Variants in CD163L1 observed in about 807,000 individuals in gnomAD.
The protein encoded by CD163L1 is CD163 molecule like 1.
In CD163L1, 124 loss-of-function variants were observed where a neutral mutation model predicts 165.4. The ratio of observed to expected loss-of-function variants is 0.75; its 90% CI spans 0.65 to 0.87. CD163L1 has a LOEUF of 0.87. Among genes scored for constraint, CD163L1 ranks in the 40% least tolerant of loss-of-function variants. The pLI, the probability that CD163L1 is intolerant of heterozygous loss-of-function variation, is 0.00. For synonymous variants in CD163L1, 585 were observed against 662.2 expected (o/e 0.88, Z 1.79); for missense variants, 1,525 against 1,799.9 (o/e 0.85, Z 2.76).
chr12:7,404,940 T>C (rs1041651772), intron 5 of CD163L1, among the ~76,000 whole-genome samples: 20 of 152,164 alleles, frequency 1.3e-4, no homozygotes, highest in Non-Finnish European at 8.8e-5. Context: ...GTGACAGATT[T>C]TAAACTGTGA....
the CD163L1 span, chr12:7,327,086 T>C: frequency 1.2e-6 from 2 of 1,604,442 alleles, no homozygotes; most frequent in Admixed American, 3.4e-5. Flanking sequence ...CTTACAAATA[T>C]CCAAGAAAGG....
Position 7,374,925 on chromosome 12 carries a change from T to A in CD163L1, c.3002-2A>T, listed in dbSNP as rs1398705863. 2 of 1,614,108 alleles carry A rather than the reference T, an allele frequency of 1.2e-6. No individual in the cohort carries two copies. On this transcript the variant is annotated splice_acceptor_variant, in intron 11 of 19. Coordinates refer to ENST00000313599, the MANE Select transcript of CD163L1 (RefSeq NM_174941.6). LOFTEE classifies it high-confidence loss of function. The surrounding 1 kb of genome is among the most constrained non-coding windows in gnomAD (Gnocchi z 5.4). The stretch of plus-strand genomic sequence containing the variant: ...GAAACAGTGGCTGGGTCAGGCTTCC[T>A]GGTGGAGGGTGCAGGAAATGGGGCA...
intron 2 of CD163L1, chr12:7,438,992 G>A: frequency 7.5e-6 from 12 of 1,604,464 alleles, no homozygotes; most frequent in African/African-American, 1.4e-5. Context: ...AACCTTTCTC[G>A]GGGTCTTCTT....
At chr12:7,381,549 G>C (rs1947408311) in intron 8 of CD163L1, among the ~76,000 whole-genome samples, 1 of 152,168 alleles carries the variant, frequency 6.6e-6, no homozygotes, top group Admixed American at 6.6e-5. Flanking sequence ...GTCAAGATCT[G>C]TTTGTAATTG....
At chr12:7,357,550 G>T in intron 18 of CD163L1, 64 bp from the exon 19 acceptor site, 2 of 1,344,524 alleles carry the variant, frequency 1.5e-6, no homozygotes, top group Non-Finnish European at 2.1e-6. Context: ...GGGAAGAGCT[G>T]TTAAGTGCAG....
At chr12:7,328,254 A>G in the CD163L1 span, 12 of 1,497,330 alleles carry the variant, frequency 8.0e-6, no homozygotes, top group Non-Finnish European at 1.0e-5. Flanking sequence ...GGATGGAATC[A>G]AGTGTCTCAT....
At chr12:7,399,636 G>T (rs1947876659) in intron 6 of CD163L1, among the ~76,000 whole-genome samples, 2 of 146,664 alleles carry the variant, frequency 1.4e-5, no homozygotes, top group African/African-American at 2.5e-5. Flanking sequence ...CCAGGGTCTT[G>T]CTCTGTCACC....
chr12:7,384,160 A>G (rs998022071), intron 8 of CD163L1, among the ~76,000 whole-genome samples: 1 of 148,796 alleles, frequency 6.7e-6, no homozygotes, highest in Admixed American at 6.6e-5. Context: ...GAAATAATTC[A>G]ATGAAAAACA....
chr12:7,375,733 T>C lies in CD163L1; in HGVS notation c.2653A>G (p.Ile885Val), dbSNP rs150229814. The change falls in exon 10 of 20, where the codon ATC becomes GTC. Residue 885 changes from isoleucine (I) to valine (V), a missense_variant. Ile to Val is a conservative substitution (Grantham distance 29). Transcript: ENST00000313599. Reference protein sequence around the residue: ...PIVQHPEDTCIHSREVGVVCS... With the variant: ...PIVQHPEDTCVHSREVGVVCS... ...ACAACTCCAACTTCTCTGCTGTGGA[T>C]ACAAGTGTCTTCCGGATGTTGAACA... 3.7e-6 allele frequency: 6 copies of C among 1,614,224 alleles called. No individual in the cohort carries two copies. The East Asian group carries it at 8.9e-5, about 24-fold the overall frequency.
At chr12:7,441,383 G>C (rs146945761) in intron 1 of CD163L1, 137 bp from the exon 2 acceptor site, 4 of 632,966 alleles carry the variant, frequency 6.3e-6, no homozygotes, top group African/African-American at 5.5e-5. Context: ...TACCGCACAA[G>C]AAAGTCCTTT....
rs987228139 is a variant in CD163L1, at chr12:7,426,252, G to T, written c.766+6164C>A. Among the ~76,000 whole-genome samples the T allele has an allele frequency of 2.2e-4, 34 of 152,050 alleles. 1 individual carries two copies. Among genetic ancestry groups the T allele is most frequent in the Non-Finnish European group, 4.4e-4 (30 of 68,022 alleles). On this transcript the variant is annotated intron_variant, in intron 4 of 19. Coordinates refer to ENST00000313599, the MANE Select transcript of CD163L1 (RefSeq NM_174941.6). The stretch of plus-strand genomic sequence containing the variant: ...TGGGAGTTGAACAATGAGAACAGAT[G>T]AACGCACAGAGGGGAACATCAGACA...
In CD163L1 at chr12:7,398,133, C is replaced by T; in HGVS notation, c.1729+131G>A. The T allele has an allele frequency of 1.3e-6, 1 of 742,550 alleles. No individual in the cohort carries two copies. Among genetic ancestry groups the T allele is most frequent in the Non-Finnish European group, 2.2e-6 (1 of 460,450 alleles). 46.0% of individuals were successfully genotyped at this position (742,550 alleles called of 1,614,324 possible). A position where few individuals can be genotyped will look rare whatever the true frequency, so the allele number is the denominator to read the frequency against. ...AGTTCCAGGTGAAGTGAACTGAAGT[C>T]TAATTTAAAGACAAGAGTCATGGCC... On this transcript the variant is annotated intron_variant, in intron 7 of 19. Coordinates refer to ENST00000313599, the MANE Select transcript of CD163L1 (RefSeq NM_174941.6). This position sits in a 1 kb window ranked among gnomAD's most constrained non-coding sequence, Gnocchi z 4.5.
intron 18 of CD163L1, among the ~76,000 whole-genome samples, chr12:7,359,902 C>T (rs1170846509): frequency 6.6e-6 from 1 of 152,120 alleles, no homozygotes; most frequent in African/African-American, 2.4e-5. Context: ...TTCCTCTAAA[C>T]ACAATGTGTC....
chr12:7,352,805 C>CA, downstream of CD163L1, among the ~76,000 whole-genome samples: 1 of 151,842 alleles, frequency 6.6e-6, no homozygotes, highest in Non-Finnish European at 1.5e-5. Context: ...ACAAGTAGAT[C>CA]AAAAAACAAA....
intron 8 of CD163L1, among the ~76,000 whole-genome samples, chr12:7,385,348 C>T (rs185523472): frequency 5.1e-4 from 78 of 151,598 alleles, no homozygotes; most frequent in Non-Finnish European, 8.3e-4. Context: ...CAATGAAGCA[C>T]TCAGACATAT....
chr12:7,369,314 A>G lies in CD163L1; in HGVS notation c.4039+43T>C. On this transcript the variant is annotated intron_variant, in intron 15 of 19. Transcript: ENST00000313599. This position sits in a 1 kb window ranked among gnomAD's most constrained non-coding sequence, Gnocchi z 4.9. ...AGCCTGTTTCCCAGTGTTCTCTACCATTAGTGGGAGGCTCAGTTTAAGTGC... is the reference window on the plus strand; with the variant it reads ...AGCCTGTTTCCCAGTGTTCTCTACCGTTAGTGGGAGGCTCAGTTTAAGTGC... The G allele has an allele frequency of 6.3e-7, 1 of 1,579,734 alleles. No homozygotes were observed. Among genetic ancestry groups the G allele is most frequent in the Non-Finnish European group, 8.7e-7 (1 of 1,156,006 alleles).
the CD163L1 span, among the ~76,000 whole-genome samples, chr12:7,332,413 A>G: frequency 5.9e-5 from 9 of 151,628 alleles, no homozygotes; most frequent in East Asian, 5.8e-4. Context: ...CCAACATTCA[A>G]ATTCAGGAAA....
In CD163L1 at chr12:7,372,903, C is replaced by T. The variant is rs1591888881; in HGVS notation, c.3730+417G>A. 6.6e-6 allele frequency among the ~76,000 whole-genome samples: 1 copy of T among 152,140 alleles called. No individual in the cohort carries two copies. Among genetic ancestry groups the T allele is most frequent in the South Asian group, 2.1e-4 (1 of 4,820 alleles). On this transcript the variant is annotated intron_variant, in intron 14 of 19. Coordinates refer to ENST00000313599, the MANE Select transcript of CD163L1 (RefSeq NM_174941.6). This position sits in a 1 kb window ranked among gnomAD's most constrained non-coding sequence, Gnocchi z 4.2. ...TGTCTTATAAATAATCAACTAACTTCCCATAGTAAAATGTTCTGCAGGAAA... is the reference window on the plus strand; with the variant it reads ...TGTCTTATAAATAATCAACTAACTTTCCATAGTAAAATGTTCTGCAGGAAA...
rs368154600 is a variant in CD163L1 at position 7,405,857 on chromosome 12, T to C, written c.1087+675A>G. 3.9e-4 allele frequency among the ~76,000 whole-genome samples: 59 copies of C among 152,290 alleles called. 1 individual carries two copies. Among genetic ancestry groups the C allele is most frequent in the African/African-American group, 1.2e-3 (48 of 41,564 alleles). On this transcript the variant is annotated intron_variant, in intron 5 of 19. Coordinates refer to ENST00000313599, the MANE Select transcript of CD163L1 (RefSeq NM_174941.6). ...ATTAGAAGGTGTGGGTTTAATCTTA[T>C]TAAGAGAGTGAACAGGTTTCATTAC...
Sources: allele counts gnomAD v4.1 joint callset (sites outside exome capture counted in the v4.1 genomes callset), GRCh38; gene constraint gnomAD v4.1.1; non-coding constraint Gnocchi (gnomAD v3.1); transcripts MANE v1.5; gene names NCBI Gene and HGNC (gene_info 2026-07-23, HGNC 2026-07-21).